The following BRAF variants were observed in gnomAD, a reference collection of about 807,000 sequenced individuals.
The protein encoded by BRAF is B-Raf proto-oncogene, serine/threonine kinase.
Under a neutral mutation model 104.6 loss-of-function variants are expected in BRAF, and 16 were observed. That is an observed-to-expected ratio of 0.15 (90% confidence interval 0.10 to 0.23). The LOEUF (loss-of-function observed/expected upper bound fraction) is 0.23, where lower values mean the gene tolerates loss of function less well. Among genes scored for constraint, BRAF ranks in the 10% least tolerant of loss-of-function variants. The pLI, the probability that BRAF is intolerant of heterozygous loss-of-function variation, is 1.00. For missense variants in BRAF, 541 were observed against 937.3 expected (o/e 0.58, Z 5.52); for synonymous variants, 310 against 341.6 (o/e 0.91, Z 1.02).
In BRAF at chr7:140,908,984, G is replaced by A. The variant is rs577681187; in HGVS notation, c.138+15582C>T. Among the ~76,000 whole-genome samples, 38 of 110,136 alleles carry A rather than the reference G, an allele frequency of 3.5e-4. 2 individuals are homozygous for A. The South Asian group carries it at 5.0e-3, about 15-fold the overall frequency. 72.3% of individuals were successfully genotyped at this position (110,136 alleles called of 152,430 possible). A position where few individuals can be genotyped will look rare whatever the true frequency, so the allele number is the denominator to read the frequency against. ...CTTTTCAGCTCTGCAACTGCTCTAC[G>A]TTTTCTTTTTTTTTTTTTTTTTTTA... On this transcript the variant is annotated intron_variant, in intron 1 of 19. Transcript: ENST00000644969.
Position 140,723,428 on chromosome 7 carries a change from TACTAGATCTCA to T in BRAF, c.*3055_*3065del. On this transcript the variant is annotated 3_prime_UTR_variant, in exon 20 of 20. Transcript: ENST00000644969. ...TCTTCTAAAATGCCCCAGTATGCCC[TACTAGATCTCA>T]AATACAATCAGGGGTGAGATATTCG... 1.9e-6 allele frequency: 2 copies of T among 1,054,952 alleles called. No individual in the cohort carries two copies. The highest frequency in any genetic ancestry group is 2.3e-6 in the Non-Finnish European group (2 of 872,972). 65.3% of individuals were successfully genotyped at this position (1,054,952 alleles called of 1,614,324 possible). A position where few individuals can be genotyped will look rare whatever the true frequency, so the allele number is the denominator to read the frequency against.
At chr7:140,783,849 A>T (rs1284085653) in intron 10 of BRAF, among the ~76,000 whole-genome samples, 1 of 152,236 alleles carries the variant, frequency 6.6e-6, no homozygotes, top group East Asian at 1.9e-4. Context: ...TGCCTTTGTA[A>T]GTGAGAGCTT....
chr7:140,850,532 A>G (rs1809051174), intron 1 of BRAF, among the ~76,000 whole-genome samples: 1 of 152,184 alleles, frequency 6.6e-6, no homozygotes, highest in South Asian at 2.1e-4. Context: ...TGGTTTGGTG[A>G]GCAGCCTTCC....
intron 3 of BRAF, among the ~76,000 whole-genome samples, chr7:140,833,084 G>A (rs1806958304): frequency 6.6e-6 from 1 of 151,902 alleles, no homozygotes; most frequent in Non-Finnish European, 1.5e-5. Flanking sequence ...CCGTGTGTTA[G>A]CCAGGACTGT....
At chr7:140,821,866 T>C (rs1805522988) in intron 3 of BRAF, among the ~76,000 whole-genome samples, 1 of 152,164 alleles carries the variant, frequency 6.6e-6, no homozygotes, top group Non-Finnish European at 1.5e-5. Context: ...ATCATGTCCT[T>C]TGCAGCAACC....
At chr7:140,727,831 T>C (rs1229844210) in intron 19 of BRAF, among the ~76,000 whole-genome samples, 5 of 151,468 alleles carry the variant, frequency 3.3e-5, no homozygotes, top group South Asian at 2.1e-4. Context: ...CTGTGTTAGT[T>C]AGGATGGTCT....
intron 3 of BRAF, among the ~76,000 whole-genome samples, chr7:140,809,939 C>T (rs187864364): frequency 2.0e-5 from 3 of 152,268 alleles, no homozygotes; most frequent in African/African-American, 7.2e-5. Flanking sequence ...TGCCTCATCC[C>T]CCACAGGCAA....
At chr7:140,854,779 T>C (rs901231100) in intron 1 of BRAF, among the ~76,000 whole-genome samples, 1 of 151,982 alleles carries the variant, frequency 6.6e-6, no homozygotes, top group Non-Finnish European at 1.5e-5. Context: ...ACCCCGTCTC[T>C]ACTAAAAATA....
At chr7:140,891,524 C>T (rs1178862200) in intron 1 of BRAF, among the ~76,000 whole-genome samples, 1 of 151,804 alleles carries the variant, frequency 6.6e-6, no homozygotes, top group African/African-American at 2.4e-5. Flanking sequence ...TTACTGTTTT[C>T]CTAATACTTT....
intron 17 of BRAF, chr7:140,740,322 T>C: frequency 4.8e-6 from 1 of 206,846 alleles, no homozygotes; most frequent in Non-Finnish European, 9.9e-6. Flanking sequence ...GACGTTGTGT[T>C]AAGTCCTCTA....
At chr7:140,913,553 G>A (rs1817252963) in intron 1 of BRAF, among the ~76,000 whole-genome samples, 2 of 131,340 alleles carry the variant, frequency 1.5e-5, no homozygotes, top group Non-Finnish European at 3.1e-5. Flanking sequence ...CGCGATCTTG[G>A]CTCACTGCAA....
chr7:140,884,431 G>GTGTATA (rs1262251708), intron 1 of BRAF, among the ~76,000 whole-genome samples: 5 of 26,148 alleles, frequency 1.9e-4, no homozygotes, highest in Non-Finnish European at 5.6e-4. Context: ...TATAAGATAT[G>GTGTATA]TGTGTGTGTG....
intron 8 of BRAF, among the ~76,000 whole-genome samples, chr7:140,791,146 A>G (rs568083643): frequency 6.6e-6 from 1 of 152,056 alleles, no homozygotes; most frequent in African/African-American, 2.4e-5. Context: ...ACCAAAAAAA[A>G]TTGTCCCTCA....
chr7:140,714,674 A>G (rs936778282), downstream of BRAF, among the ~76,000 whole-genome samples: 2 of 151,960 alleles, frequency 1.3e-5, no homozygotes, highest in Non-Finnish European at 2.9e-5. Context: ...CTTTTTTTCT[A>G]CTTAGGTTTT....
chr7:140,736,454 T>G (rs1379509039), intron 18 of BRAF, among the ~76,000 whole-genome samples: 3 of 143,386 alleles, frequency 2.1e-5, no homozygotes, highest in Non-Finnish European at 4.6e-5. Flanking sequence ...GGAGATGGAA[T>G]TTCACTCTTG....
chr7:140,781,744 C>A (rs372466374), intron 11 of BRAF, 51 bp from the exon 11 acceptor site: 2 of 1,442,306 alleles, frequency 1.4e-6, no homozygotes, highest in Admixed American at 1.7e-5. Context: ...AAAAAGAAAA[C>A]CTTATGTTTC....
In BRAF at chr7:140,723,683, T is replaced by C. The variant is rs912207546; in HGVS notation, c.*2811A>G. 1 of 1,051,294 alleles carries C rather than the reference T, an allele frequency of 9.5e-7. No homozygotes were observed. Among genetic ancestry groups the C allele is most frequent in the Admixed American group, 5.5e-5 (1 of 18,228 alleles). The allele number at this position is 1,051,294 out of a possible 1,614,324, so 65.1% of individuals were successfully genotyped here. On this transcript the variant is annotated 3_prime_UTR_variant, in exon 20 of 20. Transcript: ENST00000644969. ...ACAATCCTCTGTAGTTGCTCTCAAA[T>C]TTTTCAGAAGGCTTCACCTCTCCCT...
rs1234655140 is a variant in BRAF, at chr7:140,726,172, TGTA to T, written c.*319_*321del. 1.1e-4 allele frequency: 131 copies of T among 1,162,776 alleles called. No homozygotes were observed. Among genetic ancestry groups the T allele is most frequent in the Admixed American group, 2.2e-4 (5 of 22,452 alleles). The allele number at this position is 1,162,776 out of a possible 1,614,324, so 72.0% of individuals were successfully genotyped here. A position where few individuals can be genotyped will look rare whatever the true frequency, so the allele number is the denominator to read the frequency against. Reference sequence around the variant, plus strand: ...ACTTTCCATAGCAAATCTCCCAAGCTGTAGCAGCAGTTTCTTTCCATCATGCCT... The same window carrying T: ...ACTTTCCATAGCAAATCTCCCAAGCTGCAGCAGTTTCTTTCCATCATGCCT... On this transcript the variant is annotated 3_prime_UTR_variant, in exon 20 of 20. Transcript: ENST00000644969.
intron 2 of BRAF, among the ~76,000 whole-genome samples, chr7:140,838,241 T>C (rs572037292): frequency 1.6e-4 from 24 of 152,346 alleles, no homozygotes; most frequent in African/African-American, 5.8e-4. Context: ...TCTCTTTATC[T>C]CCTTTAGAAT....
Sources: allele counts gnomAD v4.1 joint callset (sites outside exome capture counted in the v4.1 genomes callset), GRCh38; gene constraint gnomAD v4.1.1; transcripts MANE v1.5; gene names NCBI Gene and HGNC (gene_info 2026-07-23, HGNC 2026-07-21).